The following CHSY3 variants were observed in gnomAD, a reference collection of about 807,000 sequenced individuals.
CHSY3 encodes chondroitin sulfate synthase 3, also known as N-acetylgalactosaminyl-proteoglycan 3-beta-glucuronosyltransferase 3.
CHSY3 carries 35 observed loss-of-function variants against 67.2 expected under a neutral mutation model. The ratio of observed to expected loss-of-function variants is 0.52; its 90% CI spans 0.40 to 0.69. The LOEUF (loss-of-function observed/expected upper bound fraction) is 0.69, where lower values mean the gene tolerates loss of function less well. Ranked by LOEUF, CHSY3 falls within the 30% of genes least tolerant of loss-of-function variation. The pLI is 0.00. For synonymous variants in CHSY3, 474 were observed against 434.7 expected, an observed-to-expected ratio of 1.09 and a Z score of -1.12; for missense variants, 1,069 against 1,138.5, an observed-to-expected ratio of 0.94 and a Z score of 0.88.
intron 2 of CHSY3, among the ~76,000 whole-genome samples, chr5:130,133,498 G>A (rs1307468501): frequency 2.0e-5 from 3 of 152,002 alleles, no homozygotes; most frequent in African/African-American, 4.8e-5. Flanking sequence ...AAGGCCTGGC[G>A]TGGTGGCTCA....
intron 1 of CHSY3, among the ~76,000 whole-genome samples, chr5:129,906,454 AT>A (rs997040051): frequency 2.0e-5 from 3 of 152,314 alleles, no homozygotes; most frequent in Admixed American, 1.3e-4. Context: ...TTTCCAGTGC[AT>A]TTTGTTGGCC....
intron 2 of CHSY3, among the ~76,000 whole-genome samples, chr5:130,101,774 C>T (rs1182690525): frequency 6.6e-6 from 1 of 152,050 alleles, no homozygotes; most frequent in Non-Finnish European, 1.5e-5. Flanking sequence ...ACTGGGAAAT[C>T]ATTTGATTCC....
At chr5:130,124,252 A>G (rs1768180578) in intron 2 of CHSY3, among the ~76,000 whole-genome samples, 1 of 152,078 alleles carries the variant, frequency 6.6e-6, no homozygotes, top group South Asian at 2.1e-4. Flanking sequence ...ACATTCTCTA[A>G]GCCCACCTTG....
intron 2 of CHSY3, among the ~76,000 whole-genome samples, chr5:130,078,815 C>G (rs1342564435): frequency 1.3e-5 from 2 of 152,156 alleles, no homozygotes; most frequent in Non-Finnish European, 2.9e-5. Flanking sequence ...GGGAAGAAGA[C>G]AGGCAGCTGT....
At chr5:130,104,131 C>A (rs1465592172) in intron 2 of CHSY3, among the ~76,000 whole-genome samples, 1 of 151,806 alleles carries the variant, frequency 6.6e-6, no homozygotes, top group Non-Finnish European at 1.5e-5. Context: ...GGTAGGCTTA[C>A]CTTTTAGTGT....
At position 129,969,665 on chromosome 5, in the gene CHSY3, T is replaced by A. The variant is rs576197972; in HGVS notation, c.1086+61305T>A. ...AGCATATGTAAATGATTTTGCTAGA[T>A]TGTTTGAAGAAATGGGTAGAAAAAA... On this transcript the variant is annotated intron_variant, in intron 2 of 2. Transcript: ENST00000305031. 1.2e-4 allele frequency among the ~76,000 whole-genome samples: 18 copies of A among 151,984 alleles called. No homozygotes were observed. The South Asian group carries it at 3.7e-3, about 31-fold the overall frequency.
intron 2 of CHSY3, among the ~76,000 whole-genome samples, chr5:130,071,910 T>G (rs1039182946): frequency 1.3e-5 from 2 of 152,088 alleles, no homozygotes; most frequent in Non-Finnish European, 2.9e-5. Context: ...TGAGAGGATA[T>G]CTCATTGTGG....
chr5:130,078,359 A>G (rs758290572), intron 2 of CHSY3, among the ~76,000 whole-genome samples: 5 of 152,132 alleles, frequency 3.3e-5, no homozygotes, highest in Admixed American at 6.6e-5. Context: ...TGTTTCATGA[A>G]GAAAACAGTG....
intron 2 of CHSY3, among the ~76,000 whole-genome samples, chr5:130,173,706 G>A (rs1769963155): frequency 6.6e-6 from 1 of 151,962 alleles, no homozygotes; most frequent in African/African-American, 2.4e-5. Context: ...CCAGATCATT[G>A]CTTTAAACAA....
chr5:130,101,293 A>G (rs886407452), intron 2 of CHSY3, among the ~76,000 whole-genome samples: 2 of 152,186 alleles, frequency 1.3e-5, no homozygotes, highest in African/African-American at 4.8e-5. Context: ...CTTTTACTGT[A>G]TCATTTCCTT....
intron 2 of CHSY3, among the ~76,000 whole-genome samples, chr5:129,936,198 A>G (rs1761482689): frequency 1.3e-5 from 2 of 152,230 alleles, no homozygotes; most frequent in Non-Finnish European, 1.5e-5. Flanking sequence ...ATTTGCCTCT[A>G]ATTCACTTTT....
At position 130,028,892 on chromosome 5, in the gene CHSY3, C is replaced by T. The variant is rs1764630508; in HGVS notation, c.1086+120532C>T. Among the ~76,000 whole-genome samples, 4 of 151,848 alleles carry T rather than the reference C, an allele frequency of 2.6e-5. 1 individual carries two copies. In the South Asian group the frequency reaches 6.2e-4, roughly 24 times the overall value. On this transcript the variant is annotated intron_variant, in intron 2 of 2. Coordinates refer to ENST00000305031, the MANE Select transcript of CHSY3 (RefSeq NM_175856.5). ...GTCTCTCTTCCTCTTTTCTCTCTGC[C>T]TCTTTGTCTCTCCCCCACATCTGCT...
In CHSY3 at chr5:130,067,802, A is replaced by T. The variant is rs543404519; in HGVS notation, c.1087-116427A>T. On this transcript the variant is annotated intron_variant, in intron 2 of 2. Coordinates refer to ENST00000305031, the MANE Select transcript of CHSY3 (RefSeq NM_175856.5). The stretch of plus-strand genomic sequence containing the variant: ...TTTACATGATTGTGATATCAAAGAC[A>T]TCAACTATATATTTTATTCGTCTCT... Among the ~76,000 whole-genome samples, 13 of 152,300 alleles carry T rather than the reference A, an allele frequency of 8.5e-5. 1 individual carries two copies. The highest frequency in any genetic ancestry group is 3.1e-4 in the African/African-American group (13 of 41,578).
At chr5:130,060,232 T>C (rs1765668555) in intron 2 of CHSY3, among the ~76,000 whole-genome samples, 2 of 152,188 alleles carry the variant, frequency 1.3e-5, no homozygotes, top group African/African-American at 2.4e-5. Flanking sequence ...CAAGTGGGTT[T>C]TATTCTAGGA....
intron 2 of CHSY3, among the ~76,000 whole-genome samples, chr5:130,139,430 G>A (rs1050019456): frequency 1.3e-5 from 2 of 152,220 alleles, no homozygotes; most frequent in African/African-American, 2.4e-5. Flanking sequence ...AAGTCTATGT[G>A]AGCTCCAGAT....
chr5:130,156,948 C>T (rs887958469), intron 2 of CHSY3, among the ~76,000 whole-genome samples: 2 of 152,196 alleles, frequency 1.3e-5, no homozygotes, highest in African/African-American at 4.8e-5. Context: ...ACTGTCATTC[C>T]TAATTTGTAG....
chr5:130,161,997 GC>G (rs1339746237), intron 2 of CHSY3, among the ~76,000 whole-genome samples: 1 of 136,212 alleles, frequency 7.3e-6, no homozygotes, highest in Non-Finnish European at 1.5e-5. Context: ...CCAAGATTGT[GC>G]CATTTCACTG....
At chr5:129,947,608 C>T (rs1159939259) in intron 2 of CHSY3, among the ~76,000 whole-genome samples, 1 of 141,296 alleles carries the variant, frequency 7.1e-6, no homozygotes, top group Non-Finnish European at 1.5e-5. Context: ...GAGCACATAG[C>T]GAGACTCCAT....
At chr5:130,091,375 A>C (rs570995317) in intron 2 of CHSY3, among the ~76,000 whole-genome samples, 77 of 152,336 alleles carry the variant, frequency 5.1e-4, no homozygotes, top group African/African-American at 1.8e-3. Context: ...TAAACACAAG[A>C]ATTTGAATTT....
Sources: gnomAD v4.1 joint callset for allele counts (sites outside exome capture counted in the v4.1 genomes callset) on GRCh38, gnomAD v4.1.1 for gene constraint, MANE v1.5 for transcripts, NCBI Gene and HGNC (gene_info 2026-07-23, HGNC 2026-07-21) for gene names.